The following HFM1 variants were observed in gnomAD, a reference collection of about 807,000 sequenced individuals.
The protein encoded by HFM1 is helicase for meiosis 1, also known as probable ATP-dependent DNA helicase HFM1.
Under a neutral mutation model 192.1 loss-of-function variants are expected in HFM1, and 169 were observed. The observed-to-expected ratio is 0.88, with a 90% confidence interval of 0.78 to 1.00. The LOEUF is 1.00. Ranked by LOEUF, HFM1 falls within the 50% of genes least tolerant of loss-of-function variation. The pLI is 0.00. For synonymous variants in HFM1, 525 were observed against 537.8 expected (o/e 0.98, Z 0.33); for missense variants, 1,661 against 1,668.0 (o/e 1.00, Z 0.07).
intron 11 of HFM1, among the ~76,000 whole-genome samples, chr1:91,376,989 C>T (rs1660980916): frequency 6.6e-6 from 1 of 151,578 alleles, no homozygotes; most frequent in South Asian, 2.1e-4. Context: ...TTGGAAATAA[C>T]TTAATCTTCC....
intron 20 of HFM1, among the ~76,000 whole-genome samples, chr1:91,342,151 A>AAAAAC (rs58288889): frequency 0.19 from 21,608 of 111,840 alleles, 4,813 homozygotes; most frequent in South Asian, 0.32. Context: ...AAAAAAAAAA[A>AAAAAC]TTCAGGCGAA....
At chr1:91,312,408 T>C (rs1392025888) in intron 30 of HFM1, among the ~76,000 whole-genome samples, 7 of 152,190 alleles carry the variant, frequency 4.6e-5, no homozygotes, top group African/African-American at 9.7e-5. Flanking sequence ...CTTGCATCCA[T>C]GTGACCTAGA....
chr1:91,292,435 G>A (rs1668879599), intron 30 of HFM1, among the ~76,000 whole-genome samples: 1 of 140,742 alleles, frequency 7.1e-6, no homozygotes, highest in Admixed American at 7.3e-5. Context: ...CAAATCATGA[G>A]TGAACTCCCA....
intron 13 of HFM1, among the ~76,000 whole-genome samples, chr1:91,368,157 A>G (rs1293002789): frequency 6.6e-6 from 1 of 152,266 alleles, no homozygotes; most frequent in East Asian, 1.9e-4. Flanking sequence ...AATGGAACCA[A>G]GTTGGAAAAC....
At chr1:91,288,366 CTT>C (rs35536576) in intron 30 of HFM1, among the ~76,000 whole-genome samples, 19,417 of 130,814 alleles carry the variant, frequency 0.15, 1,229 homozygotes, top group Non-Finnish European at 0.21. Context: ...ATTCAACATT[CTT>C]TTTTTTTTTT....
chr1:91,386,299 G>A (rs1033151392), intron 4 of HFM1, among the ~76,000 whole-genome samples: 1 of 152,190 alleles, frequency 6.6e-6, no homozygotes, highest in Non-Finnish European at 1.5e-5. Context: ...AGAGGCCCAG[G>A]TGGAGAGGTA....
At chr1:91,284,455 T>C (rs1667756391) in intron 30 of HFM1, among the ~76,000 whole-genome samples, 1 of 152,066 alleles carries the variant, frequency 6.6e-6, no homozygotes, top group Admixed American at 6.6e-5. Flanking sequence ...TTTCACCACA[T>C]TGGCCAGGCT....
At chr1:91,343,640 T>A (rs1256760017) in intron 19 of HFM1, 130 bp from the exon 20 acceptor site, 2 of 398,340 alleles carry the variant, frequency 5.0e-6, no homozygotes, top group Non-Finnish European at 9.2e-6. Context: ...AGTCCCTACT[T>A]AAGCAGTAAG....
At chr1:91,305,983 T>C (rs1315022704) in intron 30 of HFM1, among the ~76,000 whole-genome samples, 1 of 152,214 alleles carries the variant, frequency 6.6e-6, no homozygotes, top group Non-Finnish European at 1.5e-5. Flanking sequence ...GGAAAGTGTT[T>C]AATATTTTAC....
intron 19 of HFM1, among the ~76,000 whole-genome samples, chr1:91,344,011 T>C (rs1655760700): frequency 6.6e-6 from 1 of 152,236 alleles, no homozygotes; most frequent in South Asian, 2.1e-4. Flanking sequence ...AGTCAAATAG[T>C]TCTGCAAAGA....
At chr1:91,343,233 A>AG (rs1408762842) in intron 20 of HFM1, among the ~76,000 whole-genome samples, 197 bp downstream of exon 20, 1 of 149,942 alleles carries the variant, frequency 6.7e-6, no homozygotes, top group Non-Finnish European at 1.5e-5. Flanking sequence ...TCTGTCTCAA[A>AG]AAAAAAAAAA....
Position 91,314,041 on chromosome 1 carries a change from CTTT to C in HFM1, c.3157_3159del (p.Lys1053del). On this transcript the variant is annotated inframe_deletion, in exon 29 of 39. Coordinates refer to ENST00000370425, the MANE Select transcript of HFM1 (RefSeq NM_001017975.6). ...GCAATCTTTTTAGCCCAACTTCCAG[CTTT>C]TAGCAAAACAGAATCCCTGAAAAAT... The C allele has an allele frequency of 6.2e-7, 1 of 1,606,924 alleles. No individual in the cohort carries two copies.
chr1:91,364,875 C>A (rs879835489), intron 13 of HFM1, among the ~76,000 whole-genome samples: 12 of 151,536 alleles, frequency 7.9e-5, no homozygotes, highest in Admixed American at 2.0e-4. Flanking sequence ...CCTCATGATT[C>A]GCCTGCCTCG....
At chr1:91,383,836 T>C (rs1661841455) in intron 6 of HFM1, among the ~76,000 whole-genome samples, 1 of 152,162 alleles carries the variant, frequency 6.6e-6, no homozygotes. Flanking sequence ...AAGAAGTAAC[T>C]ATGAGAGGCG....
chr1:91,265,362 T>C (rs1017381992), intron 36 of HFM1, among the ~76,000 whole-genome samples: 4 of 152,178 alleles, frequency 2.6e-5, no homozygotes, highest in Middle Eastern at 3.2e-3. Flanking sequence ...ATTCCTAGCT[T>C]TTCTTGAAAA....
At position 91,323,203 on chromosome 1, in the gene HFM1, TA is replaced by T; in HGVS notation, c.2428-5del. 7.0e-7 allele frequency: 1 copy of T among 1,424,220 alleles called. No homozygotes were observed. 88.2% of individuals were successfully genotyped at this position (1,424,220 alleles called of 1,614,324 possible). On this transcript the variant is annotated splice_polypyrimidine_tract_variant and splice_region_variant and intron_variant, in intron 21 of 38. Transcript: ENST00000370425. ...TGCAGCCAGCTATCAATGTAACCTA[TA>T]ACATTTCAGTAGTTGTCCATTTAAT...
At chr1:91,313,536 T>C (rs1650777045) in intron 29 of HFM1, 41 bp from the exon 30 acceptor site, 1 of 1,417,548 alleles carries the variant, frequency 7.1e-7, no homozygotes, top group Non-Finnish European at 9.6e-7. Flanking sequence ...TTATTTGTCA[T>C]ATAAATCCAC....
rs1051971104 is a variant in HFM1, at chr1:91,292,208, T to C, written c.3392-15146A>G. ...TGTTGGAAGTTCTGGCCAGGGCAAT[T>C]AGGCAGGAGAAGGAAATAAAGAGTA... On this transcript the variant is annotated intron_variant, in intron 30 of 38. Coordinates refer to ENST00000370425, the MANE Select transcript of HFM1 (RefSeq NM_001017975.6). Among the ~76,000 whole-genome samples, 51 of 150,430 alleles carry C rather than the reference T, an allele frequency of 3.4e-4. 1 individual carries two copies. Among genetic ancestry groups the C allele is most frequent in the South Asian group, 4.3e-4 (2 of 4,694 alleles).
chr1:91,324,442 T>C (rs1435811843), intron 21 of HFM1, among the ~76,000 whole-genome samples: 1 of 152,214 alleles, frequency 6.6e-6, no homozygotes, highest in East Asian at 1.9e-4. Flanking sequence ...ATTTTAGTTT[T>C]GTATATAAGT....
Sources: gnomAD v4.1 joint callset for allele counts (sites outside exome capture counted in the v4.1 genomes callset) on GRCh38, gnomAD v4.1.1 for gene constraint, MANE v1.5 for transcripts, NCBI Gene and HGNC (gene_info 2026-07-23, HGNC 2026-07-21) for gene names.